RTN4RL2: variants seen among roughly 807,000 people sequenced by gnomAD.
The protein encoded by RTN4RL2 is reticulon 4 receptor like 2.
A neutral mutation model predicts 27.8 loss-of-function variants in RTN4RL2; 9 were observed. That is an observed-to-expected ratio of 0.32 (90% CI 0.20 to 0.57). The LOEUF (loss-of-function observed/expected upper bound fraction) is 0.57, where lower values mean the gene tolerates loss of function less well. RTN4RL2 is among the 20% of genes least tolerant of loss of function. The pLI, the probability that RTN4RL2 is intolerant of heterozygous loss-of-function variation, is 0.90. For synonymous variants in RTN4RL2, 285 were observed against 297.9 expected (o/e 0.96, Z 0.45); for missense variants, 436 against 596.8 (o/e 0.73, Z 2.81).
intron 2 of RTN4RL2, among the ~76,000 whole-genome samples, chr11:57,472,478 T>C (rs1943569073): frequency 6.6e-6 from 1 of 152,192 alleles, no homozygotes; most frequent in African/African-American, 2.4e-5. Flanking sequence ...CCCAAAGTGC[T>C]GGGATTACAG....
At chr11:57,464,894 G>A (rs1259942274) in intron 1 of RTN4RL2, among the ~76,000 whole-genome samples, 1 of 152,202 alleles carries the variant, frequency 6.6e-6, no homozygotes, top group Non-Finnish European at 1.5e-5. Flanking sequence ...CCGCACGGGG[G>A]AGGGGTGAGA....
At chr11:57,475,032 G>C (rs1314100810) in intron 2 of RTN4RL2, among the ~76,000 whole-genome samples, 1 of 152,096 alleles carries the variant, frequency 6.6e-6, no homozygotes, top group African/African-American at 2.4e-5. Context: ...GCAGTACTTT[G>C]GTTCCCCCAG....
intron 1 of RTN4RL2, among the ~76,000 whole-genome samples, chr11:57,462,114 C>A (rs1217851833): frequency 6.6e-6 from 1 of 151,932 alleles, no homozygotes; most frequent in Non-Finnish European, 1.5e-5. Context: ...TGACAGCCTC[C>A]GAGGGTGGGC....
chr11:57,468,543 G>A, intron 2 of RTN4RL2: 3 of 1,535,932 alleles, frequency 2.0e-6, no homozygotes, highest in Non-Finnish European at 2.6e-6. Context: ...TGCCTTCAGG[G>A]CACTCTGCCT....
At position 57,468,075 on chromosome 11, in the gene RTN4RL2, C is replaced by T. The variant is rs1943539425; in HGVS notation, c.498C>T (p.Ser166=). ...SLQYLYLQEN[S]LLHLQDDLFA... is the part of the protein sequence containing the mutation. ...AGTACCTCTACCTCCAGGAGAACAG[C>T]CTGCTCCACCTACAGGTGAGCCTGC... The change falls in exon 2 of 3, where the codon AGC becomes AGT. Residue 166 remains serine, a synonymous_variant. Coordinates refer to ENST00000335099, the MANE Select transcript of RTN4RL2 (RefSeq NM_178570.3). The T allele has an allele frequency of 6.3e-7, 1 of 1,594,640 alleles. No individual in the cohort carries two copies.
intron 1 of RTN4RL2, 56 bp downstream of exon 1, chr11:57,460,952 TC>T: frequency 8.5e-7 from 1 of 1,170,208 alleles, no homozygotes; most frequent in Non-Finnish European, 1.1e-6. Context: ...AAGCAGGGCG[TC>T]CCCTCTTTCA....
chr11:57,476,277 T>G lies in RTN4RL2; in HGVS notation c.629T>G (p.Leu210Arg). The G allele has an allele frequency of 6.2e-7, 1 of 1,612,370 alleles. No individual in the cohort carries two copies. Among genetic ancestry groups the G allele is most frequent in the Non-Finnish European group, 8.5e-7 (1 of 1,179,520 alleles). The change falls in exon 3 of 3, where the codon CTG (leucine) becomes CGG (arginine). Residue 210 changes from leucine to arginine, a missense_variant. This residue lies in a region of RTN4RL2 where 365 missense variants were observed against 530.5 expected (regional missense o/e 0.69). Transcript: ENST00000335099. This position sits in a 1 kb window ranked among gnomAD's most constrained non-coding sequence, Gnocchi z 8.2. ...RGLGSLDRLL[L>R]HGNRLQGVHR... ...CTGGGCAGCCTGGACCGGCTGCTGCTGCACGGGAACCGGCTGCAGGGCGTG... is the reference window on the plus strand; with the variant it reads ...CTGGGCAGCCTGGACCGGCTGCTGCGGCACGGGAACCGGCTGCAGGGCGTG...
rs146751069 is a variant in RTN4RL2, at chr11:57,475,294, C to A, written c.514-868C>A. On this transcript the variant is annotated intron_variant, in intron 2 of 2. Transcript: ENST00000335099. ...ATAACACAGCTAGGGAAAAGGCAAG[C>A]TGGATTTTGAACTAGGGCTCTAAGT... Among the ~76,000 whole-genome samples the A allele has an allele frequency of 5.1e-3, 769 of 152,236 alleles. 6 individuals are homozygous for A. Among genetic ancestry groups the A allele is most frequent in the African/African-American group, 0.017 (702 of 41,520 alleles).
intron 1 of RTN4RL2, among the ~76,000 whole-genome samples, chr11:57,464,012 C>A (rs754022189): frequency 6.6e-6 from 1 of 152,232 alleles, no homozygotes. Context: ...CTGCTTTGCA[C>A]GGCAGTGGCA....
At chr11:57,464,329 G>A (rs1943506808) in intron 1 of RTN4RL2, among the ~76,000 whole-genome samples, 1 of 152,202 alleles carries the variant, frequency 6.6e-6, no homozygotes, top group Non-Finnish European at 1.5e-5. Flanking sequence ...AATGGGCCTT[G>A]CCTCTGAGAT....
chr11:57,468,036 C>T lies in RTN4RL2; in HGVS notation c.459C>T (p.Gly153=), dbSNP rs369255114. ...LSSLPGNIFR[G]LVSLQYLYLQ... is the part of the protein sequence containing the mutation. The stretch of plus-strand genomic sequence containing the variant: ...GCCTGCCCGGCAACATCTTCCGAGG[C>T]CTGGTCAGCCTGCAGTACCTCTACC... The change falls in exon 2 of 3, where the codon GGC becomes GGT. Residue 153 remains glycine (G), a synonymous_variant. Coordinates refer to ENST00000335099, the MANE Select transcript of RTN4RL2 (RefSeq NM_178570.3). 4 of 1,599,966 alleles carry T rather than the reference C, an allele frequency of 2.5e-6. No homozygotes were observed. In the African/African-American group the frequency reaches 5.3e-5, roughly 21 times the overall value.
chr11:57,476,980 G>T lies in RTN4RL2; in HGVS notation c.*69G>T. 1 of 1,447,134 alleles carries T rather than the reference G, an allele frequency of 6.9e-7. No individual in the cohort carries two copies. The highest frequency in any genetic ancestry group is 9.1e-7 in the Non-Finnish European group (1 of 1,095,476). 89.6% of individuals were successfully genotyped at this position (1,447,134 alleles called of 1,614,324 possible). A position where few individuals can be genotyped will look rare whatever the true frequency, so the allele number is the denominator to read the frequency against. On this transcript the variant is annotated 3_prime_UTR_variant, in exon 3 of 3. Transcript: ENST00000335099. The surrounding 1 kb of genome is among the most constrained non-coding windows in gnomAD (Gnocchi z 8.2). ...CCCGTCCACCCGGGGCTGCGGCTCC[G>T]GCCCCAGTCGCCCCACCTTCCCTGG...
intron 2 of RTN4RL2, among the ~76,000 whole-genome samples, chr11:57,474,369 G>A (rs1398795255): frequency 6.6e-6 from 1 of 152,192 alleles, no homozygotes; most frequent in African/African-American, 2.4e-5. Context: ...GGAAGGTGGA[G>A]GCTGTGGGTG....
intron 2 of RTN4RL2, 122 bp downstream of exon 2, chr11:57,468,212 A>T: frequency 9.7e-7 from 1 of 1,030,038 alleles, no homozygotes; most frequent in Non-Finnish European, 1.4e-6. Flanking sequence ...CTGCCTCAGC[A>T]TCTCCATTTC....
chr11:57,471,095 G>T (rs1276559668), intron 2 of RTN4RL2, among the ~76,000 whole-genome samples: 1 of 152,042 alleles, frequency 6.6e-6, no homozygotes, highest in Non-Finnish European at 1.5e-5. Flanking sequence ...AATTAGGCAG[G>T]CGGGGTGGCA....
chr11:57,463,272 A>G (rs2135114950), intron 1 of RTN4RL2, among the ~76,000 whole-genome samples: 1 of 152,332 alleles, frequency 6.6e-6, no homozygotes, highest in Non-Finnish European at 1.5e-5. Flanking sequence ...TAACCTGTAC[A>G]AATGCAGTGC....
intron 2 of RTN4RL2, among the ~76,000 whole-genome samples, chr11:57,475,836 A>T (rs1943591981): frequency 6.6e-6 from 1 of 152,114 alleles, no homozygotes; most frequent in Admixed American, 6.5e-5. Context: ...TCCCTGGGGA[A>T]CCTGTAGACA....
rs1943598557 is a variant in RTN4RL2 at position 57,476,665 on chromosome 11, GC to G, written c.1022del (p.Pro341GlnfsTer183). The G allele has an allele frequency of 1.4e-6, 2 of 1,404,672 alleles. No homozygotes were observed. The highest frequency in any genetic ancestry group is 1.6e-5 in the South Asian group (1 of 62,080). 87.0% of individuals were successfully genotyped at this position (1,404,672 alleles called of 1,614,324 possible). A position where few individuals can be genotyped will look rare whatever the true frequency, so the allele number is the denominator to read the frequency against. The stretch of plus-strand genomic sequence containing the variant: ...TGTACGGGGTGGCCGAGGCCGGGGC[GC>G]CCCCAGCCGATCCCTCCACCCTCTA... ...HLYGVAEAGA[P>X]PADPSTLYRD... On this transcript the variant is annotated frameshift_variant, in exon 3 of 3. Coordinates refer to ENST00000335099, the MANE Select transcript of RTN4RL2 (RefSeq NM_178570.3). LOFTEE classifies it high-confidence loss of function. The surrounding 1 kb of genome is among the most constrained non-coding windows in gnomAD (Gnocchi z 8.2).
chr11:57,475,179 TC>T (rs1943588970), intron 2 of RTN4RL2, among the ~76,000 whole-genome samples: 1 of 152,142 alleles, frequency 6.6e-6, no homozygotes, highest in Admixed American at 6.5e-5. Flanking sequence ...CATCCAACCC[TC>T]CTTTAGCCTG....
Sources: allele counts gnomAD v4.1 joint callset (sites outside exome capture counted in the v4.1 genomes callset), GRCh38; gene constraint gnomAD v4.1.1; regional missense constraint gnomAD v4.1.1; non-coding constraint Gnocchi (gnomAD v3.1); transcripts MANE v1.5; gene names NCBI Gene and HGNC (gene_info 2026-07-23, HGNC 2026-07-21).